The following KIF2A variants were observed in gnomAD, a reference collection of about 807,000 sequenced individuals.
KIF2A encodes kinesin family member 2A.
In KIF2A, 22 loss-of-function variants were observed where a neutral mutation model predicts 100.2. The observed-to-expected ratio is 0.22, with a 90% CI of 0.16 to 0.31. The LOEUF (loss-of-function observed/expected upper bound fraction) is 0.31, where lower values mean the gene tolerates loss of function less well. Ranked by LOEUF, KIF2A falls within the 10% of genes least tolerant of loss-of-function variation. KIF2A has a pLI of 1.00. For missense variants in KIF2A, 495 were observed against 898.7 expected, an observed-to-expected ratio of 0.55 and a Z score of 5.74; for synonymous variants, 268 against 285.9, an observed-to-expected ratio of 0.94 and a Z score of 0.63.
Position 62,362,396 on chromosome 5 carries a change from C to CT in KIF2A, c.1028-49dup. 4.7e-6 allele frequency: 4 copies of CT among 852,078 alleles called. No individual in the cohort carries two copies. The East Asian group carries it at 1.3e-4, about 28-fold the overall frequency. 52.8% of individuals were successfully genotyped at this position (852,078 alleles called of 1,614,324 possible). Reference sequence around the variant, plus strand: ...CTCTAGAAATAGAAAATTTGAGTTGCTTTTTAAAAATATTTGTTGGATCTC... The same window carrying CT: ...CTCTAGAAATAGAAAATTTGAGTTGCTTTTTTAAAAATATTTGTTGGATCTC... On this transcript the variant is annotated intron_variant, in intron 11 of 20. Transcript: ENST00000407818.
At chr5:62,326,811 C>T (rs1746401994) in intron 1 of KIF2A, among the ~76,000 whole-genome samples, 1 of 152,018 alleles carries the variant, frequency 6.6e-6, no homozygotes, top group Non-Finnish European at 1.5e-5. Context: ...GCCTGGGCAA[C>T]ATGGTGAAAC....
At chr5:62,315,574 C>G (rs1162031804) in intron 1 of KIF2A, among the ~76,000 whole-genome samples, 1 of 152,130 alleles carries the variant, frequency 6.6e-6, no homozygotes, top group Non-Finnish European at 1.5e-5. Context: ...TGGAAGAAGT[C>G]CCTGACTGGA....
chr5:62,325,746 ATAACT>A (rs1746342795), intron 1 of KIF2A, among the ~76,000 whole-genome samples: 1 of 152,232 alleles, frequency 6.6e-6, no homozygotes, highest in African/African-American at 2.4e-5. Context: ...GATTTCTCAA[ATAACT>A]TAAAGCTATT....
rs1561274448 is a variant in KIF2A at position 62,363,219 on chromosome 5, A to G, written c.1161A>G (p.Leu387=). ...ACAGGAAAACAAAATTAAGAGTTCTAGAAGATGGAAAACAGCAGGTTCAAG... is the reference window on the plus strand; with the variant it reads ...ACAGGAAAACAAAATTAAGAGTTCTGGAAGATGGAAAACAGCAGGTTCAAG... ...LLNRKTKLRV[L]EDGKQQVQVV... is the part of the protein sequence containing the mutation. The change falls in exon 13 of 21, where the codon CTA becomes CTG. Residue 387 remains leucine, a synonymous_variant. Transcript: ENST00000407818. The G allele has an allele frequency of 6.2e-7, 1 of 1,612,760 alleles. No homozygotes were observed. The highest frequency in any genetic ancestry group is 1.1e-5 in the South Asian group (1 of 90,800).
intron 1 of KIF2A, among the ~76,000 whole-genome samples, chr5:62,333,469 C>A (rs1263494256): frequency 1.3e-5 from 2 of 152,292 alleles, no homozygotes; most frequent in East Asian, 3.9e-4. Context: ...GCAAATGAGC[C>A]TTGTTCGGCC....
Position 62,306,240 on chromosome 5 carries a change from A to G in KIF2A, c.-233A>G. ...CGCGCCGTCTCACGGCCCCGGCCCT[A>G]GCTTCACCCCGACTACCCGGCGTGC... On this transcript the variant is annotated 5_prime_UTR_variant, in exon 1 of 21. Coordinates refer to ENST00000407818, the MANE Select transcript of KIF2A (RefSeq NM_001098511.3). The G allele has an allele frequency of 2.0e-6, 1 of 503,132 alleles. No individual in the cohort carries two copies. The allele number at this position is 503,132 out of a possible 1,614,324, so 31.2% of individuals were successfully genotyped here.
chr5:62,389,101 C>T lies in KIF2A; in HGVS notation c.*3532C>T. 1 of 1,511,758 alleles carries T rather than the reference C, an allele frequency of 6.6e-7. No individual in the cohort carries two copies. The allele number at this position is 1,511,758 out of a possible 1,614,324, so 93.6% of individuals were successfully genotyped here. On this transcript the variant is annotated 3_prime_UTR_variant, in exon 21 of 21. Coordinates refer to ENST00000407818, the MANE Select transcript of KIF2A (RefSeq NM_001098511.3). ...ATGGTACTGAAAAGCTAATTTGTAG[C>T]ACATAACGGTATATAGTTCTATACC...
rs1015242784 is a variant in KIF2A at position 62,306,387 on chromosome 5, C to T, written c.-86C>T. 8 of 979,300 alleles carry T rather than the reference C, an allele frequency of 8.2e-6. No homozygotes were observed. In the African/African-American group the frequency reaches 1.0e-4, roughly 12 times the overall value. The allele number at this position is 979,300 out of a possible 1,614,324, so 60.7% of individuals were successfully genotyped here. On this transcript the variant is annotated 5_prime_UTR_variant, in exon 1 of 21. Transcript: ENST00000407818. ...GCGCGGCCGCGGGCAACCGCTCCCC[C>T]TCCCACACCTACCCCGCCCCCTCCC... is the stretch of plus-strand genomic sequence containing the variant.
chr5:62,348,177 G>T lies in KIF2A; in HGVS notation c.279+10G>T, dbSNP rs761527371. Reference sequence around the variant, plus strand: ...AAACAAAATTGTAAAGGTTAGTGATGAAAATTCAGAGTGCAGGACACTGGG... The same window carrying T: ...AAACAAAATTGTAAAGGTTAGTGATTAAAATTCAGAGTGCAGGACACTGGG... On this transcript the variant is annotated intron_variant, in intron 3 of 20. Transcript: ENST00000407818. The T allele has an allele frequency of 3.1e-6, 5 of 1,613,228 alleles. No individual in the cohort carries two copies. In the East Asian group the frequency reaches 1.1e-4, roughly 36 times the overall value.
intron 20 of KIF2A, 73 bp downstream of exon 20, chr5:62,381,326 G>A (rs1741762588): frequency 8.8e-6 from 11 of 1,250,544 alleles, no homozygotes; most frequent in South Asian, 4.0e-5. Flanking sequence ...GGGCTTCTTC[G>A]TATTGCAAGA....
At chr5:62,364,565 C>G (rs1740980028) in intron 14 of KIF2A, among the ~76,000 whole-genome samples, 1 of 152,206 alleles carries the variant, frequency 6.6e-6, no homozygotes, top group African/African-American at 2.4e-5. Flanking sequence ...CAGGTTATTA[C>G]ATCTTTTCCT....
intron 7 of KIF2A, among the ~76,000 whole-genome samples, chr5:62,356,789 TTTTTTTTTTTTTTTGGAGACACAGTC>T (rs200250776): frequency 0.057 from 8,511 of 150,540 alleles, 328 homozygotes; most frequent in East Asian, 0.13. Flanking sequence ...AATACAGCTT[TTTTTTTTTTTTTTTGGAGACACAGTC>T]TTCTCTGTTG....
At chr5:62,306,842 T>G in intron 1 of KIF2A, 2 of 362,930 alleles carry the variant, frequency 5.5e-6, no homozygotes, top group South Asian at 3.8e-5. Flanking sequence ...CCTCCCGCAA[T>G]CTCCAGCCCC....
chr5:62,360,512 A>G (rs996929028), intron 9 of KIF2A, among the ~76,000 whole-genome samples: 1 of 152,012 alleles, frequency 6.6e-6, no homozygotes. Context: ...TGGTGAAACC[A>G]CGTCTCTACT....
chr5:62,363,106 G>A (rs1740888465), intron 12 of KIF2A, 72 bp from the exon 13 acceptor site: 1 of 1,294,962 alleles, frequency 7.7e-7, no homozygotes, highest in Non-Finnish European at 1.1e-6. Flanking sequence ...GGGATTACAG[G>A]CGTGAGCCAT....
At chr5:62,333,396 A>G (rs909222611) in intron 1 of KIF2A, among the ~76,000 whole-genome samples, 2 of 152,158 alleles carry the variant, frequency 1.3e-5, no homozygotes, top group Non-Finnish European at 2.9e-5. Context: ...AGGGAGGAAC[A>G]GTGGCTTGTA....
At chr5:62,357,158 G>T (rs247273) in intron 7 of KIF2A, among the ~76,000 whole-genome samples, 1 of 150,244 alleles carries the variant, frequency 6.7e-6, no homozygotes, top group East Asian at 2.0e-4. Context: ...ATCTCGGCCC[G>T]CTGCAACCTC....
Position 62,352,158 on chromosome 5 carries a change from A to AC in KIF2A, c.335-430_335-429insC, listed in dbSNP as rs959822542. On this transcript the variant is annotated intron_variant, in intron 4 of 20. Transcript: ENST00000407818. ...ACAGAGCGAGACTTCATCTCAAAAAAAAAAAAAAAAATTATATTTTACACA... is the reference window on the plus strand; with the variant it reads ...ACAGAGCGAGACTTCATCTCAAAAAACAAAAAAAAAAATTATATTTTACACA... Among the ~76,000 whole-genome samples, 2 of 151,852 alleles carry AC rather than the reference A, an allele frequency of 1.3e-5. 1 individual carries two copies. The highest frequency in any genetic ancestry group is 4.8e-5 in the African/African-American group (2 of 41,342).
chr5:62,362,819 ATT>A (rs1050707403), intron 12 of KIF2A, among the ~76,000 whole-genome samples: 2 of 152,114 alleles, frequency 1.3e-5, no homozygotes, highest in Non-Finnish European at 2.9e-5. Context: ...TGGGTGACTC[ATT>A]TTTATAGAAC....
Sources: gnomAD v4.1 joint callset for allele counts (sites outside exome capture counted in the v4.1 genomes callset) on GRCh38, gnomAD v4.1.1 for gene constraint, MANE v1.5 for transcripts, NCBI Gene and HGNC (gene_info 2026-07-23, HGNC 2026-07-21) for gene names.